The following TBC1D2B variants were observed in gnomAD, a reference collection of about 807,000 sequenced individuals.
The protein encoded by TBC1D2B is TBC1 domain family member 2B, also known as TBC1 domain family, member 2B.
TBC1D2B carries 64 observed loss-of-function variants against 100.8 expected under a neutral mutation model. The observed-to-expected ratio is 0.64, with a 90% confidence interval of 0.52 to 0.78. TBC1D2B has a LOEUF of 0.78. Ranked by LOEUF, TBC1D2B falls within the 30% of genes least tolerant of loss-of-function variation. The pLI, the probability that TBC1D2B is intolerant of heterozygous loss-of-function variation, is 0.00. For missense variants in TBC1D2B, 1,052 were observed against 1,218.4 expected (o/e 0.86, Z 2.03); for synonymous variants, 480 against 479.7 (o/e 1.00, Z -0.01).
chr15:78,000,305 C>A (rs2071877802), intron 12 of TBC1D2B, among the ~76,000 whole-genome samples: 1 of 152,210 alleles, frequency 6.6e-6, no homozygotes, highest in Admixed American at 6.5e-5. Flanking sequence ...CGGGCACTCA[C>A]CAGAGCCACG....
In TBC1D2B at chr15:78,001,623, C is replaced by A; in HGVS notation, c.2692G>T (p.Ala898Ser). 1 of 1,608,888 alleles carries A rather than the reference C, an allele frequency of 6.2e-7. No individual in the cohort carries two copies. Among genetic ancestry groups the A allele is most frequent in the Non-Finnish European group, 8.5e-7 (1 of 1,177,680 alleles). ...TGAGAACTCCCCAGGACTCACCTAG[C>A]ATCAAGGATAGTGCGAGTGAAGTAG... ...LRYFTRTILDARKLISISFGD... is the reference protein window; with the variant it reads ...LRYFTRTILDSRKLISISFGD... Residue 898 changes from alanine (A) to serine (S), a missense_variant, in exon 12 of 13, where the codon GCT (alanine) becomes TCT (serine). This residue lies in a region of TBC1D2B where 373 missense variants were observed against 464.9 expected (regional missense o/e 0.80). Transcript: ENST00000300584.
chr15:78,028,310 A>G (rs1203135766), intron 4 of TBC1D2B, among the ~76,000 whole-genome samples: 1 of 152,112 alleles, frequency 6.6e-6, no homozygotes, highest in African/African-American at 2.4e-5. Context: ...CCCTGTCTCT[A>G]CTAAAAATAA....
chr15:78,040,628 GAAAGAAAA>G (rs2073053891), intron 3 of TBC1D2B, among the ~76,000 whole-genome samples: 1 of 84,488 alleles, frequency 1.2e-5, no homozygotes, highest in African/African-American at 4.2e-5. Flanking sequence ...AAGAGAGAGA[GAAAGAAAA>G]AGAAAGAAAG....
At chr15:78,026,892 T>A (rs1484759052) in intron 4 of TBC1D2B, among the ~76,000 whole-genome samples, 1 of 140,636 alleles carries the variant, frequency 7.1e-6, no homozygotes. Context: ...CAAGAGCGAA[T>A]CTCCATCTCA....
At chr15:78,064,540 T>G (rs547150080) in intron 1 of TBC1D2B, among the ~76,000 whole-genome samples, 5 of 152,196 alleles carry the variant, frequency 3.3e-5, no homozygotes, top group African/African-American at 4.8e-5. Flanking sequence ...AGGAAGATAT[T>G]TGGATCTCTA....
In TBC1D2B at chr15:78,008,980, A is replaced by G; in HGVS notation, c.2388+17T>C. The G allele has an allele frequency of 6.5e-7, 1 of 1,537,452 alleles. No homozygotes were observed. The highest frequency in any genetic ancestry group is 8.9e-7 in the Non-Finnish European group (1 of 1,127,874). On this transcript the variant is annotated intron_variant, in intron 10 of 12. Coordinates refer to ENST00000300584, the MANE Select transcript of TBC1D2B (RefSeq NM_144572.2). ...ATTCTAAAAGTGGTGACTAAAACAC[A>G]GAATTTTCAGAACTACCTGGGATCC...
At chr15:78,072,039 G>A (rs1330203282) in intron 1 of TBC1D2B, among the ~76,000 whole-genome samples, 3 of 152,172 alleles carry the variant, frequency 2.0e-5, no homozygotes, top group East Asian at 3.8e-4. Context: ...AATCCCATTC[G>A]TGAAGGCTCC....
intron 1 of TBC1D2B, among the ~76,000 whole-genome samples, chr15:78,076,340 G>T (rs183137167): frequency 2.6e-5 from 4 of 152,336 alleles, no homozygotes; most frequent in East Asian, 3.9e-4. Flanking sequence ...CAAGGAGGAA[G>T]AACACAGGAT....
At position 78,077,435 on chromosome 15, in the gene TBC1D2B, G is replaced by A; in HGVS notation, c.218C>T (p.Pro73Leu). 1.9e-6 allele frequency: 3 copies of A among 1,545,102 alleles called. No homozygotes were observed. Among genetic ancestry groups the A allele is most frequent in the Non-Finnish European group, 2.6e-6 (3 of 1,145,050 alleles). The change falls in exon 1 of 13, where the codon CCG becomes CTG. Residue 73 changes from proline (P) to leucine (L), a missense_variant. By Grantham distance (98) the Pro-to-Leu change is moderately conservative (BLOSUM62 -3). Transcript: ENST00000300584. ...GTGGCCGAGGGGCAGCGCGTCCTGC[G>A]GACTCTTGAAATAGTAAAGGTAGCA... ...RRCYLYYFKS[P>L]QDALPLGHLD... is the part of the protein sequence containing the mutation.
At chr15:78,076,670 T>C (rs901174472) in intron 1 of TBC1D2B, among the ~76,000 whole-genome samples, 39 of 152,162 alleles carry the variant, frequency 2.6e-4, no homozygotes, top group African/African-American at 9.4e-4. Flanking sequence ...GAGGATCTCT[T>C]GAGCCCAGGC....
chr15:78,055,003 G>C (rs1304842952), intron 1 of TBC1D2B, among the ~76,000 whole-genome samples: 1 of 152,102 alleles, frequency 6.6e-6, no homozygotes, highest in African/African-American at 2.4e-5. Context: ...ATAAAAAGGA[G>C]CACACTATTG....
intron 1 of TBC1D2B, among the ~76,000 whole-genome samples, chr15:78,070,409 A>G (rs1259822039): frequency 1.3e-5 from 2 of 152,050 alleles, no homozygotes; most frequent in Admixed American, 1.3e-4. Context: ...ACTTCCTAGC[A>G]CTGGTTGGTG....
intron 6 of TBC1D2B, among the ~76,000 whole-genome samples, chr15:78,021,861 C>T (rs1487473721): frequency 6.6e-6 from 1 of 152,158 alleles, no homozygotes; most frequent in African/African-American, 2.4e-5. Flanking sequence ...GCGCTGTATC[C>T]CGATCAGCTC....
chr15:78,024,929 T>C (rs1001718821), intron 5 of TBC1D2B, among the ~76,000 whole-genome samples: 1 of 152,242 alleles, frequency 6.6e-6, no homozygotes, highest in Non-Finnish European at 1.5e-5. Context: ...CTCTTTTTAA[T>C]GACTGTTAAA....
chr15:78,001,489 C>G, intron 12 of TBC1D2B, 130 bp downstream of exon 12: 2 of 1,149,408 alleles, frequency 1.7e-6, no homozygotes, highest in Non-Finnish European at 2.3e-6. Context: ...CCCTGGAAAG[C>G]AATGCCCTCT....
intron 1 of TBC1D2B, among the ~76,000 whole-genome samples, chr15:78,059,933 AG>A (rs1172882056): frequency 1.3e-5 from 2 of 152,356 alleles, no homozygotes; most frequent in East Asian, 3.9e-4. Context: ...CAGCATCTAC[AG>A]GGAGTCGGGC....
chr15:78,012,012 C>T (rs558488490), intron 9 of TBC1D2B, among the ~76,000 whole-genome samples: 38 of 152,236 alleles, frequency 2.5e-4, no homozygotes, highest in African/African-American at 8.4e-4. Flanking sequence ...CGGGCTCAAG[C>T]GATCCTTCCA....
chr15:78,042,799 C>G (rs1039085829), intron 3 of TBC1D2B, among the ~76,000 whole-genome samples: 8 of 152,336 alleles, frequency 5.3e-5, no homozygotes, highest in Admixed American at 4.6e-4. Context: ...AGACTAATGT[C>G]GTATCGTTGA....
chr15:78,016,498 A>G (rs1362994497), intron 8 of TBC1D2B, 48 bp downstream of exon 8: 11 of 1,564,638 alleles, frequency 7.0e-6, no homozygotes, highest in Non-Finnish European at 9.6e-6. Flanking sequence ...TGAAAAAGGG[A>G]CTTCAGAAAT....
Sources: allele counts gnomAD v4.1 joint callset (sites outside exome capture counted in the v4.1 genomes callset), GRCh38; gene constraint gnomAD v4.1.1; regional missense constraint gnomAD v4.1.1; transcripts MANE v1.5; gene names NCBI Gene and HGNC (gene_info 2026-07-23, HGNC 2026-07-21).